Variants in GABRG3 observed in about 807,000 individuals in gnomAD.
The protein encoded by GABRG3 is gamma-aminobutyric acid receptor subunit gamma-3.
In GABRG3, 25 loss-of-function variants were observed where a neutral mutation model predicts 48.8. The observed-to-expected ratio is 0.51, with a 90% CI of 0.37 to 0.72. GABRG3 has a LOEUF of 0.72. Ranked by LOEUF, GABRG3 falls within the 30% of genes least tolerant of loss-of-function variation. GABRG3 has a pLI of 0.00. For missense variants in GABRG3, 394 were observed against 577.9 expected (o/e 0.68, Z 3.26); for synonymous variants, 227 against 217.6 (o/e 1.04, Z -0.38).
chr15:27,442,730 C>T (rs1442719066), intron 5 of GABRG3, among the ~76,000 whole-genome samples: 1 of 152,232 alleles, frequency 6.6e-6, no homozygotes, highest in African/African-American at 2.4e-5. Context: ...ACTTTTTCTA[C>T]AATCTGACCC....
At chr15:27,146,685 T>G (rs1898215714) in intron 3 of GABRG3, among the ~76,000 whole-genome samples, 1 of 152,072 alleles carries the variant, frequency 6.6e-6, no homozygotes, top group Admixed American at 6.6e-5. Flanking sequence ...AAGTGCAAAA[T>G]TTTTGAATAT....
intron 5 of GABRG3, among the ~76,000 whole-genome samples, chr15:27,350,922 T>TTG (rs563638932): frequency 6.7e-6 from 1 of 148,278 alleles, no homozygotes; most frequent in Non-Finnish European, 1.5e-5. Flanking sequence ...TCATGTGTGT[T>TTG]TGTGTGTGTG....
At chr15:27,031,819 A>G (rs1896091667) in intron 3 of GABRG3, among the ~76,000 whole-genome samples, 1 of 152,018 alleles carries the variant, frequency 6.6e-6, no homozygotes, top group Non-Finnish European at 1.5e-5. Flanking sequence ...GCTTTGTGGA[A>G]CTCTTTTGGA....
intron 3 of GABRG3, among the ~76,000 whole-genome samples, chr15:27,142,094 T>G (rs1193988624): frequency 1.3e-5 from 2 of 152,238 alleles, no homozygotes; most frequent in Non-Finnish European, 2.9e-5. Context: ...GAATTTACAT[T>G]CAGTATTTCA....
chr15:27,148,131 A>G (rs974622163), intron 3 of GABRG3, among the ~76,000 whole-genome samples: 1 of 151,932 alleles, frequency 6.6e-6, no homozygotes, highest in African/African-American at 2.4e-5. Context: ...AGGAGACACT[A>G]CTACTGACTT....
At chr15:27,190,391 C>A (rs1338276411) in intron 3 of GABRG3, among the ~76,000 whole-genome samples, 1 of 152,152 alleles carries the variant, frequency 6.6e-6, no homozygotes, top group Non-Finnish European at 1.5e-5. Context: ...TTGATTATTG[C>A]CACAATTTCA....
At chr15:27,264,292 C>G (rs1010631563) in intron 3 of GABRG3, among the ~76,000 whole-genome samples, 1 of 152,008 alleles carries the variant, frequency 6.6e-6, no homozygotes, top group African/African-American at 2.4e-5. Flanking sequence ...TCTAAAAATC[C>G]ACCTAACCAA....
intron 3 of GABRG3, among the ~76,000 whole-genome samples, chr15:27,172,690 A>G (rs1458095799): frequency 6.6e-6 from 1 of 151,898 alleles, no homozygotes; most frequent in Non-Finnish European, 1.5e-5. Context: ...TGCACTTGAA[A>G]CCTTAGTCCA....
intron 3 of GABRG3, among the ~76,000 whole-genome samples, chr15:27,279,222 C>A (rs977013174): frequency 2.0e-5 from 3 of 152,134 alleles, no homozygotes. Flanking sequence ...ACTGTCTTTT[C>A]TTCCTCTTAA....
At chr15:27,308,330 A>ATATAAACATAATATAAACATACGTTTATG (rs1289982150) in intron 3 of GABRG3, among the ~76,000 whole-genome samples, 1 of 137,822 alleles carries the variant, frequency 7.3e-6, no homozygotes, top group Non-Finnish European at 1.6e-5. Context: ...ATACGTTTAT[A>ATATAAACATAATATAAACATACGTTTATG]TATAAACATA....
intron 3 of GABRG3, among the ~76,000 whole-genome samples, chr15:27,116,539 A>T (rs145742601): frequency 6.6e-6 from 1 of 152,204 alleles, no homozygotes. Context: ...TTCTACTATG[A>T]CAACTACTTT....
intron 2 of GABRG3, among the ~76,000 whole-genome samples, chr15:26,983,816 C>G (rs957758794): frequency 2.6e-5 from 4 of 152,144 alleles, no homozygotes; most frequent in Non-Finnish European, 5.9e-5. Context: ...AGACAAACCT[C>G]AAGCCTCAAA....
At chr15:27,416,473 G>A (rs1887943381) in intron 5 of GABRG3, among the ~76,000 whole-genome samples, 1 of 152,178 alleles carries the variant, frequency 6.6e-6, no homozygotes, top group Admixed American at 6.5e-5. Context: ...AAGAACCGAT[G>A]CTGTGGCATA....
intron 3 of GABRG3, among the ~76,000 whole-genome samples, chr15:27,116,898 A>G (rs1897650798): frequency 6.6e-6 from 1 of 152,198 alleles, no homozygotes; most frequent in South Asian, 2.1e-4. Context: ...CAGACACTGA[A>G]TCCACCAGCA....
intron 3 of GABRG3, among the ~76,000 whole-genome samples, chr15:27,122,388 A>G (rs991356527): frequency 6.6e-6 from 1 of 152,260 alleles, no homozygotes; most frequent in Non-Finnish European, 1.5e-5. Context: ...AGCTATTATT[A>G]TCTTCTTTGA....
chr15:27,239,075 G>A lies in GABRG3; in HGVS notation c.271-87734G>A, dbSNP rs549108404. Among the ~76,000 whole-genome samples the A allele has an allele frequency of 3.9e-5, 6 of 152,292 alleles. No individual in the cohort carries two copies. The South Asian group carries it at 1.0e-3, about 26-fold the overall frequency. On this transcript the variant is annotated intron_variant, in intron 3 of 9. Coordinates refer to ENST00000615808, the MANE Select transcript of GABRG3 (RefSeq NM_033223.5). ...CATAGTAAACTAGGTGTGTGTTCAGGGAGGAAAAGGAGGACAAAGATTTTT... is the reference window on the plus strand; with the variant it reads ...CATAGTAAACTAGGTGTGTGTTCAGAGAGGAAAAGGAGGACAAAGATTTTT...
At chr15:27,378,982 A>G (rs1414039629) in intron 5 of GABRG3, among the ~76,000 whole-genome samples, 3 of 152,184 alleles carry the variant, frequency 2.0e-5, no homozygotes, top group Admixed American at 6.5e-5. Context: ...CTCCCTGTGC[A>G]TAAGTTTGTG....
At chr15:27,474,015 C>T (rs1889861491) in intron 5 of GABRG3, among the ~76,000 whole-genome samples, 1 of 152,194 alleles carries the variant, frequency 6.6e-6, no homozygotes, top group South Asian at 2.1e-4. Context: ...AGGGACTTCT[C>T]TATCCCAAGA....
At chr15:27,464,191 A>G (rs956313358) in intron 5 of GABRG3, among the ~76,000 whole-genome samples, 10 of 152,158 alleles carry the variant, frequency 6.6e-5, no homozygotes, top group African/African-American at 2.4e-4. Context: ...TTGCTTAACT[A>G]TTATCACTTC....
Sources: gnomAD v4.1 joint callset for allele counts (sites outside exome capture counted in the v4.1 genomes callset) on GRCh38, gnomAD v4.1.1 for gene constraint, MANE v1.5 for transcripts, NCBI Gene and HGNC (gene_info 2026-07-23, HGNC 2026-07-21) for gene names.